The following PHIP variants were observed in gnomAD, a reference collection of about 807,000 sequenced individuals.
The protein encoded by PHIP is PHIP subunit of CUL4-Ring ligase complex, also known as PH-interacting protein.
Under a neutral mutation model 236.8 loss-of-function variants are expected in PHIP, and 54 were observed. The observed-to-expected ratio is 0.23, with a 90% CI of 0.18 to 0.29. The LOEUF (loss-of-function observed/expected upper bound fraction) is 0.29. PHIP is among the 10% of genes least tolerant of loss of function. PHIP has a pLI of 1.00. For missense variants in PHIP, 1,370 were observed against 2,190.8 expected (o/e 0.63, Z 7.48); for synonymous variants, 756 against 718.9 (o/e 1.05, Z -0.83).
Position 78,937,432 on chromosome 6 carries a change from T to G in PHIP, c.*3261A>C, listed in dbSNP as rs1246428057. ...TCTGATTCCTCTACTGCACTGCAGATGAGGGACAGTTCTAGATGTTAACAT... is the reference window on the plus strand; with the variant it reads ...TCTGATTCCTCTACTGCACTGCAGAGGAGGGACAGTTCTAGATGTTAACAT... On this transcript the variant is annotated 3_prime_UTR_variant, in exon 40 of 40. Coordinates refer to ENST00000275034, the MANE Select transcript of PHIP (RefSeq NM_017934.7). 2.0e-5 allele frequency: 3 copies of G among 151,730 alleles called. No individual in the cohort carries two copies. Among genetic ancestry groups the G allele is most frequent in the African/African-American group, 7.2e-5 (3 of 41,434 alleles). 9.4% of individuals were successfully genotyped at this position (151,730 alleles called of 1,614,324 possible).
intron 15 of PHIP, 96 bp from the exon 16 acceptor site, chr6:79,003,954 C>T (rs1316375533): frequency 1.4e-6 from 1 of 724,452 alleles, no homozygotes; most frequent in Non-Finnish European, 2.2e-6. Flanking sequence ...AGCATACATC[C>T]TAATGAAGTG....
intron 35 of PHIP, among the ~76,000 whole-genome samples, chr6:78,950,926 G>A (rs1418170085): frequency 6.6e-6 from 1 of 152,044 alleles, no homozygotes; most frequent in Non-Finnish European, 1.5e-5. Context: ...TGAGGAGTGA[G>A]CTTCGATTAT....
At chr6:79,047,970 C>A (rs1772584680) in intron 6 of PHIP, among the ~76,000 whole-genome samples, 1 of 151,178 alleles carries the variant, frequency 6.6e-6, no homozygotes, top group East Asian at 1.9e-4. Context: ...ATTTTGATTA[C>A]ATTATTGTAT....
chr6:79,059,625 A>ATATATATATATATATATAT (rs1562216779), intron 6 of PHIP, among the ~76,000 whole-genome samples: 17 of 58,142 alleles, frequency 2.9e-4, no homozygotes, highest in Non-Finnish European at 4.7e-4. Context: ...ATATATATAT[A>ATATATATATATATATATAT]AAAATGCCAA....
At chr6:79,016,500 TA>T (rs1483368144) in intron 13 of PHIP, 43 bp downstream of exon 13, 3 of 1,263,706 alleles carry the variant, frequency 2.4e-6, no homozygotes, top group Non-Finnish European at 3.4e-6. Flanking sequence ...TAACATACTT[TA>T]AAAAATCAAT....
chr6:79,005,928 C>CATAA (rs1309502035), intron 15 of PHIP, among the ~76,000 whole-genome samples: 1 of 151,830 alleles, frequency 6.6e-6, no homozygotes, highest in Non-Finnish European at 1.5e-5. Context: ...ACAGTTGAAG[C>CATAA]TTATAAAGCT....
chr6:79,072,481 A>ATTTTT (rs66481367), intron 4 of PHIP, among the ~76,000 whole-genome samples: 1 of 150,502 alleles, frequency 6.6e-6, no homozygotes. Flanking sequence ...TCTTCCGAAG[A>ATTTTT]TTTTTTTTTT....
chr6:78,948,394 C>T (rs1471156590), intron 35 of PHIP, among the ~76,000 whole-genome samples: 1 of 152,136 alleles, frequency 6.6e-6, no homozygotes, highest in African/African-American at 2.4e-5. Flanking sequence ...AATAAAAACA[C>T]ACACGTGAAA....
At chr6:78,941,591 G>C (rs1402696936) in intron 39 of PHIP, among the ~76,000 whole-genome samples, 1 of 152,104 alleles carries the variant, frequency 6.6e-6, no homozygotes, top group Non-Finnish European at 1.5e-5. Flanking sequence ...AGTTAACATT[G>C]TGATTGAGTA....
intron 7 of PHIP, among the ~76,000 whole-genome samples, chr6:79,029,107 T>C (rs1171300714): frequency 3.9e-5 from 6 of 152,136 alleles, no homozygotes; most frequent in African/African-American, 1.4e-4. Flanking sequence ...ATGCATATGC[T>C]TCCCTCTGAG....
chr6:78,946,218 T>C lies in PHIP; in HGVS notation c.4413A>G (p.Ser1471=). Residue 1471 remains serine (S), a synonymous_variant, in exon 38 of 40, where the codon TCA becomes TCG. Transcript: ENST00000275034. ...TAGAGAATGCAGAGGTAGAGCTTTC[T>C]GATTTTAGCTGGGGTTTTAAGATCC... ...KKRILKPQLK[S]ESSTSAFSTP... 1 of 1,613,632 alleles carries C rather than the reference T, an allele frequency of 6.2e-7. No homozygotes were observed. The highest frequency in any genetic ancestry group is 1.3e-5 in the African/African-American group (1 of 75,050).
intron 24 of PHIP, among the ~76,000 whole-genome samples, chr6:78,974,699 C>T (rs577708534): frequency 0.01 from 1,539 of 151,938 alleles, 13 homozygotes; most frequent in Middle Eastern, 0.034. Context: ...ATATCACCAC[C>T]GATCCCACAG....
Position 78,981,693 on chromosome 6 carries a change from A to T in PHIP, c.2769+1193T>A, listed in dbSNP as rs185923429. 1.3e-3 allele frequency among the ~76,000 whole-genome samples: 191 copies of T among 152,132 alleles called. No homozygotes were observed. The Middle Eastern group carries it at 0.037, about 30-fold the overall frequency. On this transcript the variant is annotated intron_variant, in intron 23 of 39. Transcript: ENST00000275034. ...ACTGCAAACCTCAAAAGTTCATCAA[A>T]ACTGTCCTGAGATGAAAAAGAATAT...
chr6:78,935,465 T>G lies in PHIP; in HGVS notation c.*5228A>C. The G allele has an allele frequency of 1.0e-6, 1 of 970,954 alleles. No individual in the cohort carries two copies. The highest frequency in any genetic ancestry group is 1.2e-6 in the Non-Finnish European group (1 of 816,784). The allele number at this position is 970,954 out of a possible 1,614,324, so 60.1% of individuals were successfully genotyped here. A position where few individuals can be genotyped will look rare whatever the true frequency, so the allele number is the denominator to read the frequency against. The stretch of plus-strand genomic sequence containing the variant: ...CCATCATTCCTTTTTTCCCAGAAAT[T>G]GCACATTTTTGAGAAAATATTTATG... On this transcript the variant is annotated 3_prime_UTR_variant, in exon 40 of 40. Coordinates refer to ENST00000275034, the MANE Select transcript of PHIP (RefSeq NM_017934.7).
In PHIP at chr6:79,002,092, A is replaced by G; in HGVS notation, c.1686T>C (p.Tyr562=). Residue 562 remains tyrosine, a synonymous_variant, in exon 17 of 40, where the codon TAT becomes TAC. Coordinates refer to ENST00000275034, the MANE Select transcript of PHIP (RefSeq NM_017934.7). ...TGTTGGCATCACGAATAAGTGGCCG[A>G]TAATCACTATGAAAGAACATCTGAT... is the stretch of plus-strand genomic sequence containing the variant. The part of the protein sequence containing the change: ...IADQMFFHSD[Y]RPLIRDANNF... The G allele has an allele frequency of 6.2e-7, 1 of 1,613,080 alleles. No homozygotes were observed.
At chr6:78,972,602 C>A (rs1202374070) in intron 24 of PHIP, among the ~76,000 whole-genome samples, 2 of 152,020 alleles carry the variant, frequency 1.3e-5, no homozygotes, top group African/African-American at 4.8e-5. Context: ...GACATTCAAA[C>A]CAAAGGCAAA....
rs1773845412 is a variant in PHIP at position 78,946,803 on chromosome 6, T to C, written c.4278A>G (p.Lys1426=). The change falls in exon 37 of 40, where the codon AAA becomes AAG. Residue 1426 remains lysine (K), a synonymous_variant. Coordinates refer to ENST00000275034, the MANE Select transcript of PHIP (RefSeq NM_017934.7). ...EHISSVLSDY[K]SALRFHKRNT... is the part of the protein sequence containing the mutation. ...TTCTTTTATGAAAACGAAGAGCAGA[T>C]TTATAATCTGATAAAACTGAACTAA... The C allele has an allele frequency of 6.3e-7, 1 of 1,594,758 alleles. No individual in the cohort carries two copies. The highest frequency in any genetic ancestry group is 1.4e-5 in the African/African-American group (1 of 73,790).
intron 27 of PHIP, among the ~76,000 whole-genome samples, chr6:78,966,277 A>G (rs1767123499): frequency 6.6e-6 from 1 of 152,188 alleles, no homozygotes; most frequent in Non-Finnish European, 1.5e-5. Context: ...TTTCAATTCT[A>G]TTTTTTATAT....
chr6:79,019,532 T>C (rs539772926), intron 9 of PHIP, among the ~76,000 whole-genome samples: 1 of 152,238 alleles, frequency 6.6e-6, no homozygotes, highest in Admixed American at 6.5e-5. Flanking sequence ...CATGAATACA[T>C]TAGCAAAATA....
Sources: gnomAD v4.1 joint callset for allele counts (sites outside exome capture counted in the v4.1 genomes callset) on GRCh38, gnomAD v4.1.1 for gene constraint, MANE v1.5 for transcripts, NCBI Gene and HGNC (gene_info 2026-07-23, HGNC 2026-07-21) for gene names.